AGAP1: variants seen among roughly 807,000 people sequenced by gnomAD.
AGAP1 encodes ArfGAP with GTPase domain, ankyrin repeat and PH domain 1, also known as arf-GAP with GTPase, ANK repeat and PH domain-containing protein 1.
Under a neutral mutation model 105.3 loss-of-function variants are expected in AGAP1, and 29 were observed. The ratio of observed to expected loss-of-function variants is 0.28; its 90% CI spans 0.21 to 0.38. The LOEUF is 0.38. AGAP1 is among the 10% of genes least tolerant of loss of function. The probability of loss-of-function intolerance (pLI) is 1.00; values close to 1 mark genes in which losing one functional copy is unlikely to be tolerated. For synonymous variants in AGAP1, 509 were observed against 485.9 expected (o/e 1.05, Z -0.63); for missense variants, 998 against 1,165.1 (o/e 0.86, Z 2.09).
At chr2:235,597,842 A>G (rs1382436557) in intron 1 of AGAP1, among the ~76,000 whole-genome samples, 4 of 59,912 alleles carry the variant, frequency 6.7e-5, no homozygotes. Context: ...TGGAGCGTGC[A>G]CGCGCTCCCG....
At chr2:235,646,933 A>T (rs1257493037) in intron 1 of AGAP1, among the ~76,000 whole-genome samples, 1 of 152,160 alleles carries the variant, frequency 6.6e-6, no homozygotes, top group Non-Finnish European at 1.5e-5. Flanking sequence ...CAGGAGATGG[A>T]GACCATCCTG....
intron 6 of AGAP1, among the ~76,000 whole-genome samples, chr2:235,765,370 C>A (rs1459398004): frequency 6.6e-6 from 1 of 151,992 alleles, no homozygotes; most frequent in East Asian, 1.9e-4. Context: ...CTTTGCTTTC[C>A]CCATGGGTGG....
intron 3 of AGAP1, among the ~76,000 whole-genome samples, chr2:235,738,924 C>T (rs1255852771): frequency 6.6e-6 from 1 of 152,146 alleles, no homozygotes; most frequent in East Asian, 1.9e-4. Flanking sequence ...AGGTTTCCAG[C>T]ATCTCTTTTT....
At chr2:235,505,132 T>C (rs1246060067) in intron 1 of AGAP1, among the ~76,000 whole-genome samples, 1 of 152,234 alleles carries the variant, frequency 6.6e-6, no homozygotes, top group Non-Finnish European at 1.5e-5. Context: ...TGAAAGGGAA[T>C]TCACTCTGTA....
At chr2:236,100,815 G>T (rs1303737131) in intron 16 of AGAP1, among the ~76,000 whole-genome samples, 3 of 147,866 alleles carry the variant, frequency 2.0e-5, no homozygotes, top group Non-Finnish European at 3.0e-5. Flanking sequence ...GGGCAACACA[G>T]TAAGATTCCC....
intron 13 of AGAP1, among the ~76,000 whole-genome samples, chr2:236,031,202 G>A (rs1397350306): frequency 6.6e-6 from 1 of 152,158 alleles, no homozygotes; most frequent in African/African-American, 2.4e-5. Context: ...GCTTCGGAAG[G>A]AAAGGAACCC....
In AGAP1 at chr2:235,919,601, G is replaced by A. The variant is rs1338240976; in HGVS notation, c.1324+10695G>A. On this transcript the variant is annotated intron_variant, in intron 11 of 17. Transcript: ENST00000304032. The surrounding 1 kb of genome is among the most constrained non-coding windows in gnomAD (Gnocchi z 4.1). ...GTAGTAGTGAATACTTCTCAGGATAGAGCTGTGGGGCCACCTGCTCCTGGA... is the reference window on the plus strand; with the variant it reads ...GTAGTAGTGAATACTTCTCAGGATAAAGCTGTGGGGCCACCTGCTCCTGGA... Among the ~76,000 whole-genome samples, 1 of 152,124 alleles carries A rather than the reference G, an allele frequency of 6.6e-6. No homozygotes were observed.
intron 12 of AGAP1, among the ~76,000 whole-genome samples, chr2:235,947,607 C>T (rs1446974757): frequency 1.3e-5 from 2 of 152,140 alleles, no homozygotes; most frequent in Non-Finnish European, 2.9e-5. Flanking sequence ...AGTGGGACTG[C>T]TGGATCAATG....
chr2:236,092,429 G>A lies in AGAP1; in HGVS notation c.2115-27763G>A, dbSNP rs1323308334. ...TTTGTTTGTGACAGAGTCTCGCTCT[G>A]TCACCCAGGCTGGAGTGTAGTGGTG... is the stretch of plus-strand genomic sequence containing the variant. On this transcript the variant is annotated intron_variant, in intron 16 of 17. Coordinates refer to ENST00000304032, the MANE Select transcript of AGAP1 (RefSeq NM_001037131.3). This position sits in a 1 kb window ranked among gnomAD's most constrained non-coding sequence, Gnocchi z 4.7. 7.9e-5 allele frequency among the ~76,000 whole-genome samples: 12 copies of A among 152,114 alleles called. No individual in the cohort carries two copies. The highest frequency in any genetic ancestry group is 5.9e-5 in the Non-Finnish European group (4 of 68,022).
Position 235,888,156 on chromosome 2 carries a change from C to T in AGAP1, c.1155+4707C>T, listed in dbSNP as rs995564055. Among the ~76,000 whole-genome samples, 1 of 152,088 alleles carries T rather than the reference C, an allele frequency of 6.6e-6. No homozygotes were observed. Among genetic ancestry groups the T allele is most frequent in the South Asian group, 2.1e-4 (1 of 4,820 alleles). On this transcript the variant is annotated intron_variant, in intron 10 of 17. Coordinates refer to ENST00000304032, the MANE Select transcript of AGAP1 (RefSeq NM_001037131.3). The surrounding 1 kb of genome is among the most constrained non-coding windows in gnomAD (Gnocchi z 4.8). ...GGAACATTGGAGCAAGAGTAAACAA[C>T]TGAGTCAAGTTTAAACGGAATAGGC...
Position 235,725,937 on chromosome 2 carries a change from C to T in AGAP1, c.310+8293C>T, listed in dbSNP as rs1257552234. 6.6e-6 allele frequency among the ~76,000 whole-genome samples: 1 copy of T among 152,038 alleles called. No homozygotes were observed. The highest frequency in any genetic ancestry group is 1.5e-5 in the Non-Finnish European group (1 of 68,010). On this transcript the variant is annotated intron_variant, in intron 3 of 17. Transcript: ENST00000304032. This position sits in a 1 kb window ranked among gnomAD's most constrained non-coding sequence, Gnocchi z 5.7. The stretch of plus-strand genomic sequence containing the variant: ...AATAAAAGGGAAGCATGTTCTGTTT[C>T]ATTTTGAGCAAGAAAAAAAGCCGTA...
At position 236,055,121 on chromosome 2, in the gene AGAP1, C is replaced by T. The variant is rs1268809682; in HGVS notation, c.2114+5840C>T. ...GCTGTGCTCTTCTTTCAATTAAGTT[C>T]TCTGGGGCTTAATGGTATGAATAAA... On this transcript the variant is annotated intron_variant, in intron 16 of 17. Coordinates refer to ENST00000304032, the MANE Select transcript of AGAP1 (RefSeq NM_001037131.3). This position sits in a 1 kb window ranked among gnomAD's most constrained non-coding sequence, Gnocchi z 6.2. 6.6e-6 allele frequency among the ~76,000 whole-genome samples: 1 copy of T among 152,194 alleles called. No homozygotes were observed. Among genetic ancestry groups the T allele is most frequent in the Non-Finnish European group, 1.5e-5 (1 of 68,036 alleles).
intron 14 of AGAP1, among the ~76,000 whole-genome samples, chr2:236,039,459 A>G (rs1163570067): frequency 6.6e-6 from 1 of 152,210 alleles, no homozygotes; most frequent in South Asian, 2.1e-4. Flanking sequence ...AAAAAGGTAC[A>G]TATCCAGTAC....
intron 10 of AGAP1, among the ~76,000 whole-genome samples, chr2:235,894,780 G>C (rs1434758477): frequency 6.6e-6 from 1 of 152,088 alleles, no homozygotes; most frequent in African/African-American, 2.4e-5. Flanking sequence ...GTGTGATTCG[G>C]CTCCTCTCTT....
intron 13 of AGAP1, among the ~76,000 whole-genome samples, chr2:235,986,876 G>C (rs2055336416): frequency 6.6e-6 from 1 of 152,144 alleles, no homozygotes; most frequent in Non-Finnish European, 1.5e-5. Flanking sequence ...CTTTTTGCCA[G>C]TATTTTGTTG....
At chr2:235,632,023 C>A (rs1946845185) in intron 1 of AGAP1, among the ~76,000 whole-genome samples, 1 of 152,188 alleles carries the variant, frequency 6.6e-6, no homozygotes, top group African/African-American at 2.4e-5. Flanking sequence ...GGGTCACCAG[C>A]CTCAAGGGAC....
At chr2:235,873,889 G>A (rs931183080) in intron 9 of AGAP1, among the ~76,000 whole-genome samples, 26 of 152,022 alleles carry the variant, frequency 1.7e-4, no homozygotes, top group African/African-American at 5.3e-4. Flanking sequence ...CCCCACACCC[G>A]GCTAATTTGT....
intron 9 of AGAP1, among the ~76,000 whole-genome samples, chr2:235,860,935 G>A (rs558624092): frequency 1.3e-4 from 20 of 152,238 alleles, no homozygotes; most frequent in African/African-American, 4.3e-4. Flanking sequence ...CCCTGTGTAC[G>A]GCCGTCAGCC....
intron 13 of AGAP1, among the ~76,000 whole-genome samples, chr2:236,019,940 GCT>G (rs1559197710): frequency 6.6e-6 from 1 of 152,212 alleles, no homozygotes; most frequent in African/African-American, 2.4e-5. Context: ...TCCAGAACCT[GCT>G]CTCTGCAGTG....
Sources: allele counts gnomAD v4.1 joint callset (sites outside exome capture counted in the v4.1 genomes callset), GRCh38; gene constraint gnomAD v4.1.1; non-coding constraint Gnocchi (gnomAD v3.1); transcripts MANE v1.5; gene names NCBI Gene and HGNC (gene_info 2026-07-23, HGNC 2026-07-21).